Variants in ABLIM3 observed in about 807,000 individuals in gnomAD.
ABLIM3 encodes actin-binding LIM protein 3.
Under a neutral mutation model 109.5 loss-of-function variants are expected in ABLIM3, and 61 were observed. That is an observed-to-expected ratio of 0.56 (90% confidence interval 0.45 to 0.69). The LOEUF is 0.69. Among genes scored for constraint, ABLIM3 ranks in the 30% least tolerant of loss-of-function variants. The pLI is 0.00. For synonymous variants in ABLIM3, 300 were observed against 324.8 expected (o/e 0.92, Z 0.82); for missense variants, 796 against 889.5 (o/e 0.89, Z 1.34).
In ABLIM3 at chr5:149,239,883, G is replaced by C; in HGVS notation, c.1199G>C (p.Arg400Pro). The C allele has an allele frequency of 6.2e-7, 1 of 1,604,378 alleles. No homozygotes were observed. Among genetic ancestry groups the C allele is most frequent in the Non-Finnish European group, 8.5e-7 (1 of 1,175,110 alleles). ...TFSRSPHHYY[R>P]SGPESGRSSP... The stretch of plus-strand genomic sequence containing the variant: ...TCCCGCTCACCTCACCACTACTACC[G>C]CTCTGGTAAGGAAGGGGGAGGACCT... Residue 400 changes from arginine to proline, a missense_variant, in exon 13 of 24, where the codon CGC becomes CCC. By Grantham distance (103) the Arg-to-Pro change is moderately radical (BLOSUM62 -2). Transcript: ENST00000309868.
chr5:149,165,688 C>T (rs1754757266), intron 2 of ABLIM3, among the ~76,000 whole-genome samples: 1 of 152,152 alleles, frequency 6.6e-6, no homozygotes, highest in South Asian at 2.1e-4. Context: ...TACTGCACCT[C>T]CTGGAAAGAC....
chr5:149,200,159 G>A (rs1161537393), intron 4 of ABLIM3, among the ~76,000 whole-genome samples, 157 bp from the exon 5 acceptor site: 4 of 152,228 alleles, frequency 2.6e-5, no homozygotes, highest in Non-Finnish European at 4.4e-5. Context: ...TAATTGAGCA[G>A]TTTAGTTGGC....
At position 149,258,146 on chromosome 5, in the gene ABLIM3, C is replaced by T; in HGVS notation, c.1939-145C>T. On this transcript the variant is annotated intron_variant, in intron 23 of 23. Coordinates refer to ENST00000309868, the MANE Select transcript of ABLIM3 (RefSeq NM_014945.5). ...TTCAACAAATATTCATCACACATTC[C>T]CCAGGCTCAGGCACCATGCAAGGCA... 9.8e-6 allele frequency: 6 copies of T among 610,572 alleles called. No individual in the cohort carries two copies. In the East Asian group the frequency reaches 1.7e-4, roughly 18 times the overall value. 37.8% of individuals were successfully genotyped at this position (610,572 alleles called of 1,614,324 possible).
At chr5:149,248,559 T>G (rs1354441890) in intron 18 of ABLIM3, among the ~76,000 whole-genome samples, 4 of 151,586 alleles carry the variant, frequency 2.6e-5, no homozygotes, top group Non-Finnish European at 5.9e-5. Flanking sequence ...GGCATGGTGG[T>G]GGGCACCTGT....
intron 5 of ABLIM3, among the ~76,000 whole-genome samples, chr5:149,205,126 A>G (rs1361107273): frequency 6.6e-6 from 1 of 152,250 alleles, no homozygotes; most frequent in East Asian, 1.9e-4. Context: ...AGTTGTCTTT[A>G]ATTCTTTAAA....
At chr5:149,215,251 TG>T (rs1457558804) in intron 7 of ABLIM3, among the ~76,000 whole-genome samples, 2 of 152,206 alleles carry the variant, frequency 1.3e-5, no homozygotes, top group African/African-American at 4.8e-5. Context: ...TGATTATCCT[TG>T]TCATGGTACA....
rs974757442 is a variant in ABLIM3 at position 149,237,446 on chromosome 5, A to G, written c.889-2A>G. Reference sequence around the variant, plus strand: ...TTTCCTGTCCATTTCCCTCTTCCCTAGGCTAAAGTGGATAATGAGATCCTT... The same window carrying G: ...TTTCCTGTCCATTTCCCTCTTCCCTGGGCTAAAGTGGATAATGAGATCCTT... On this transcript the variant is annotated splice_acceptor_variant, in intron 10 of 23. Transcript: ENST00000309868. LOFTEE classifies it high-confidence loss of function. The G allele has an allele frequency of 1.9e-6, 3 of 1,613,462 alleles. No individual in the cohort carries two copies. The African/African-American group carries it at 4.0e-5, about 22-fold the overall frequency.
In ABLIM3 at chr5:149,142,040, T is replaced by C; in HGVS notation, c.-56T>C. The C allele has an allele frequency of 1.9e-6, 3 of 1,612,422 alleles. No homozygotes were observed. The Admixed American group carries it at 5.0e-5, about 27-fold the overall frequency. Reference sequence around the variant, plus strand: ...AGTGAGGTTCGAAGAACGGAAGATTTAAAAAGCAGCCGGGGCCTCCGTATT... The same window carrying C: ...AGTGAGGTTCGAAGAACGGAAGATTCAAAAAGCAGCCGGGGCCTCCGTATT... On this transcript the variant is annotated 5_prime_UTR_variant, in exon 2 of 24. Coordinates refer to ENST00000309868, the MANE Select transcript of ABLIM3 (RefSeq NM_014945.5).
intron 4 of ABLIM3, among the ~76,000 whole-genome samples, chr5:149,199,576 G>A (rs755196554): frequency 2.0e-5 from 3 of 152,194 alleles, no homozygotes; most frequent in Non-Finnish European, 2.9e-5. Flanking sequence ...TAGTGGCTGA[G>A]CCACGATAAG....
intron 2 of ABLIM3, among the ~76,000 whole-genome samples, chr5:149,170,214 ATTCAGGGTTCTGT>A (rs1410105448): frequency 2.2e-5 from 3 of 137,800 alleles, no homozygotes; most frequent in Admixed American, 1.5e-4. Flanking sequence ...TGATGCATTC[ATTCAGGGTTCTGT>A]TTCTCTCTCT....
At chr5:149,210,930 C>A in intron 7 of ABLIM3, 111 bp downstream of exon 7, 1 of 952,476 alleles carries the variant, frequency 1.0e-6, no homozygotes, top group Non-Finnish European at 1.7e-6. Flanking sequence ...ATAGCCTTTA[C>A]CTCCTCCACC....
chr5:149,253,520 G>A (rs1425306951), intron 23 of ABLIM3, among the ~76,000 whole-genome samples: 3 of 152,204 alleles, frequency 2.0e-5, no homozygotes, highest in African/African-American at 7.2e-5. Context: ...AACATATTGA[G>A]TATGAAGTGC....
At chr5:149,186,803 A>G (rs539156762) in intron 3 of ABLIM3, among the ~76,000 whole-genome samples, 6 of 152,118 alleles carry the variant, frequency 3.9e-5, no homozygotes, top group Non-Finnish European at 8.8e-5. Context: ...CTGTCATTAC[A>G]TAATAACTAT....
At chr5:149,251,522 C>A in intron 21 of ABLIM3, 103 bp downstream of exon 21, 1 of 1,346,406 alleles carries the variant, frequency 7.4e-7, no homozygotes, top group Non-Finnish European at 1.0e-6. Flanking sequence ...GATTCTGTCC[C>A]CACGCTGGGC....
At chr5:149,186,877 A>G (rs1039669260) in intron 3 of ABLIM3, among the ~76,000 whole-genome samples, 2 of 152,206 alleles carry the variant, frequency 1.3e-5, no homozygotes, top group Non-Finnish European at 2.9e-5. Context: ...ATTATAAGCA[A>G]TAGTGCAGAA....
rs113949621 is a variant in ABLIM3, at chr5:149,166,237, T to C, written c.14-17215T>C. Among the ~76,000 whole-genome samples, 719 of 152,312 alleles carry C rather than the reference T, an allele frequency of 4.7e-3. 7 individuals are homozygous for C. Among genetic ancestry groups the C allele is most frequent in the African/African-American group, 0.017 (698 of 41,570 alleles). ...ACAATCTCCCACTCCCTTTGTCTTA[T>C]CCCAACTGATGTCACTTACTTGCAT... On this transcript the variant is annotated intron_variant, in intron 2 of 23. Coordinates refer to ENST00000309868, the MANE Select transcript of ABLIM3 (RefSeq NM_014945.5).
chr5:149,186,891 T>C (rs888874441), intron 3 of ABLIM3, among the ~76,000 whole-genome samples: 1 of 151,746 alleles, frequency 6.6e-6, no homozygotes, highest in Admixed American at 6.6e-5. Context: ...TGCAGAAGAT[T>C]TGAAAAGGAA....
Position 149,237,593 on chromosome 5 carries a change from G to T in ABLIM3, c.1034G>T (p.Gly345Val), listed in dbSNP as rs1752342666. ...TCCGACGAGATGCTGGAGAGATGTG[G>T]CTATGGAGAGGTATCGCATCTTGCC... is the stretch of plus-strand genomic sequence containing the variant. Reference protein sequence around the residue: ...YMSDEMLERCGYGESLGTLSP... With the variant: ...YMSDEMLERCVYGESLGTLSP... The change falls in exon 11 of 24, where the codon GGC (glycine) becomes GTC (valine). Residue 345 changes from glycine (G) to valine (V), a missense_variant. Physicochemically the swap from Gly to Val is moderately radical, Grantham distance 109. Coordinates refer to ENST00000309868, the MANE Select transcript of ABLIM3 (RefSeq NM_014945.5). 5 of 1,614,120 alleles carry T rather than the reference G, an allele frequency of 3.1e-6. No individual in the cohort carries two copies. In the East Asian group the frequency reaches 8.9e-5, roughly 29 times the overall value.
intron 13 of ABLIM3, among the ~76,000 whole-genome samples, chr5:149,240,317 A>C (rs1752679993): frequency 6.6e-6 from 1 of 152,138 alleles, no homozygotes; most frequent in Non-Finnish European, 1.5e-5. Context: ...TGATGCCAGC[A>C]CTTGGATGGA....
Sources: allele counts gnomAD v4.1 joint callset (sites outside exome capture counted in the v4.1 genomes callset), GRCh38; gene constraint gnomAD v4.1.1; transcripts MANE v1.5; gene names NCBI Gene and HGNC (gene_info 2026-07-23, HGNC 2026-07-21).